Variants in LRP1B observed in about 807,000 individuals in gnomAD.
LRP1B encodes LDL receptor related protein 1B.
A neutral mutation model predicts 556.6 loss-of-function variants in LRP1B; 217 were observed. That is an observed-to-expected ratio of 0.39 (90% confidence interval 0.35 to 0.44). The LOEUF (loss-of-function observed/expected upper bound fraction) is 0.44, where lower values mean the gene tolerates loss of function less well. Among genes scored for constraint, LRP1B ranks in the 20% least tolerant of loss-of-function variants. The pLI, the probability that LRP1B is intolerant of heterozygous loss-of-function variation, is 1.00. For synonymous variants in LRP1B, 2,047 were observed against 1,865.8 expected, an observed-to-expected ratio of 1.10 and a Z score of -2.50; for missense variants, 5,053 against 5,620.8, an observed-to-expected ratio of 0.90 and a Z score of 3.23.
chr2:141,776,412 ATCATAGATGCT>A (rs1371885657), intron 2 of LRP1B, among the ~76,000 whole-genome samples: 3 of 152,214 alleles, frequency 2.0e-5, no homozygotes, highest in African/African-American at 7.2e-5. Context: ...CAGAGTCCAT[ATCATAGATGCT>A]TCACATCACG....
chr2:141,282,469 A>G (rs563547835), intron 3 of LRP1B, among the ~76,000 whole-genome samples: 2 of 140,412 alleles, frequency 1.4e-5, no homozygotes, highest in Admixed American at 7.1e-5. Flanking sequence ...GGGGTTTTAT[A>G]TGTATATGTA....
intron 43 of LRP1B, among the ~76,000 whole-genome samples, chr2:140,578,251 A>C (rs1681612680): frequency 7.9e-6 from 1 of 126,606 alleles, no homozygotes; most frequent in African/African-American, 2.6e-5. Flanking sequence ...ATCAAAGCTA[A>C]AACACTTACA....
intron 1 of LRP1B, among the ~76,000 whole-genome samples, chr2:142,035,618 T>C (rs1559035441): frequency 6.6e-6 from 1 of 151,694 alleles, no homozygotes; most frequent in Non-Finnish European, 1.5e-5. Flanking sequence ...TTTCCGTCCA[T>C]TCCTTTTGGT....
intron 35 of LRP1B, among the ~76,000 whole-genome samples, chr2:140,763,185 A>C (rs1688988731): frequency 6.6e-6 from 1 of 152,078 alleles, no homozygotes. Flanking sequence ...AAACATATAT[A>C]ATTTAAAAAT....
intron 3 of LRP1B, among the ~76,000 whole-genome samples, chr2:141,452,215 C>T (rs995555564): frequency 6.6e-6 from 1 of 151,960 alleles, no homozygotes; most frequent in Non-Finnish European, 1.5e-5. Flanking sequence ...TGTAGAGCAT[C>T]ACTGGGTAGG....
rs534819347 is a variant in LRP1B at position 141,909,831 on chromosome 2, T to C, written c.83-99430A>G. Among the ~76,000 whole-genome samples, 9 of 152,176 alleles carry C rather than the reference T, an allele frequency of 5.9e-5. No individual in the cohort carries two copies. In the East Asian group the frequency reaches 1.6e-3, roughly 26 times the overall value. On this transcript the variant is annotated intron_variant, in intron 1 of 90. Transcript: ENST00000389484. ...GTACATAGCAATGTCATATACATAG[T>C]AGACACTGAAGTCATTTATAACAAT... is the stretch of plus-strand genomic sequence containing the variant.
Position 141,892,263 on chromosome 2 carries a change from TA to T in LRP1B, c.83-81863del, listed in dbSNP as rs575468693. 5.0e-4 allele frequency among the ~76,000 whole-genome samples: 76 copies of T among 152,076 alleles called. 4 individuals carry two copies. The South Asian group carries it at 0.016, about 32-fold the overall frequency. On this transcript the variant is annotated intron_variant, in intron 1 of 90. Coordinates refer to ENST00000389484, the MANE Select transcript of LRP1B (RefSeq NM_018557.3). ...TATTTTTAATAAAGGTTAAATATAT[TA>T]AAAATTATATTAAATGCATATTTGG...
chr2:140,461,076 A>C (rs1325228704), intron 60 of LRP1B, among the ~76,000 whole-genome samples: 1 of 151,544 alleles, frequency 6.6e-6, no homozygotes, highest in Non-Finnish European at 1.5e-5. Context: ...AAAGAAAAAA[A>C]AAAAAAAAGA....
chr2:141,984,035 T>C (rs1702116762), intron 1 of LRP1B, among the ~76,000 whole-genome samples: 1 of 152,120 alleles, frequency 6.6e-6, no homozygotes, highest in Non-Finnish European at 1.5e-5. Flanking sequence ...CACTCCACTC[T>C]GGGCGACAAG....
At position 140,690,633 on chromosome 2, in the gene LRP1B, A is replaced by G. The variant is rs994123042; in HGVS notation, c.6799+9617T>C. ...AAACTAATTTATAGCTTGCAACAAAATGAAGAGGAGATTTCATATTTTTTT... is the reference window on the plus strand; with the variant it reads ...AAACTAATTTATAGCTTGCAACAAAGTGAAGAGGAGATTTCATATTTTTTT... On this transcript the variant is annotated intron_variant, in intron 41 of 90. Transcript: ENST00000389484. Among the ~76,000 whole-genome samples, 5 of 152,166 alleles carry G rather than the reference A, an allele frequency of 3.3e-5. No homozygotes were observed. In the South Asian group the frequency reaches 8.3e-4, roughly 25 times the overall value.
intron 2 of LRP1B, among the ~76,000 whole-genome samples, chr2:141,559,521 A>G (rs1457946221): frequency 6.6e-6 from 1 of 151,774 alleles, no homozygotes; most frequent in African/African-American, 2.4e-5. Flanking sequence ...TAGATGTATC[A>G]TTATTTTTAA....
intron 23 of LRP1B, among the ~76,000 whole-genome samples, chr2:140,902,531 T>C (rs965627728): frequency 6.6e-6 from 1 of 151,984 alleles, no homozygotes; most frequent in Non-Finnish European, 1.5e-5. Context: ...GGTTAGAAGA[T>C]GAACACAGCC....
intron 43 of LRP1B, among the ~76,000 whole-genome samples, chr2:140,548,423 C>A (rs1680425721): frequency 6.6e-6 from 1 of 152,100 alleles, no homozygotes; most frequent in Non-Finnish European, 1.5e-5. Flanking sequence ...AAAGTTGCAC[C>A]CAGTGTTCAC....
chr2:141,669,298 C>T (rs1690572602), intron 2 of LRP1B, among the ~76,000 whole-genome samples: 1 of 152,130 alleles, frequency 6.6e-6, no homozygotes, highest in African/African-American at 2.4e-5. Context: ...AAAGCAAAGA[C>T]TGCCACCTAT....
chr2:141,937,350 A>C (rs567445490), intron 1 of LRP1B, among the ~76,000 whole-genome samples: 2 of 152,010 alleles, frequency 1.3e-5, no homozygotes, highest in African/African-American at 4.8e-5. Flanking sequence ...GCGCCACTGC[A>C]CTCCAGCCTG....
intron 2 of LRP1B, among the ~76,000 whole-genome samples, chr2:141,780,780 T>A (rs10928123): frequency 6.6e-6 from 1 of 152,102 alleles, no homozygotes; most frequent in Non-Finnish European, 1.5e-5. Context: ...ACAATAGCAC[T>A]GCAAATGAAA....
In LRP1B at chr2:140,989,783, A is replaced by G. The variant is rs1281836000; in HGVS notation, c.2645-126T>C. 5 of 810,864 alleles carry G rather than the reference A, an allele frequency of 6.2e-6. No homozygotes were observed. In the Admixed American group the frequency reaches 1.3e-4, roughly 21 times the overall value. 50.2% of individuals were successfully genotyped at this position (810,864 alleles called of 1,614,324 possible). ...TACAATAAATGTCATAGAGTCTGTC[A>G]TTCATTGCCTTATATTTAATAGCAA... is the stretch of plus-strand genomic sequence containing the variant. On this transcript the variant is annotated intron_variant, in intron 16 of 90. Coordinates refer to ENST00000389484, the MANE Select transcript of LRP1B (RefSeq NM_018557.3).
At chr2:140,256,149 A>G (rs1573692740) in intron 86 of LRP1B, among the ~76,000 whole-genome samples, 1 of 152,264 alleles carries the variant, frequency 6.6e-6, no homozygotes, top group Admixed American at 6.5e-5. Flanking sequence ...TGATTATTTT[A>G]AATTTAAGTG....
chr2:142,106,985 C>A, intron 1 of LRP1B, among the ~76,000 whole-genome samples: 1 of 151,776 alleles, frequency 6.6e-6, no homozygotes, highest in East Asian at 1.9e-4. Context: ...TAATATAAAG[C>A]TTCATATTTA....
Sources: gnomAD v4.1 joint callset for allele counts (sites outside exome capture counted in the v4.1 genomes callset) on GRCh38, gnomAD v4.1.1 for gene constraint, MANE v1.5 for transcripts, NCBI Gene and HGNC (gene_info 2026-07-23, HGNC 2026-07-21) for gene names.